The following F8 variants were observed in gnomAD, a reference collection of about 807,000 sequenced individuals.
F8 encodes antihemophilic factor.
F8 carries 12 observed loss-of-function variants against 140.6 expected under a neutral mutation model. That is an observed-to-expected ratio of 0.09 (90% CI 0.05 to 0.14). F8 has a LOEUF of 0.14. Among genes scored for constraint, F8 ranks in the 10% least tolerant of loss-of-function variants. F8 has a pLI of 1.00. For synonymous variants in F8, 585 were observed against 614.6 expected (o/e 0.95, Z 0.71); for missense variants, 1,354 against 1,720.7 (o/e 0.79, Z 3.77).
chrX:154,943,421 G>C (rs1442780315), intron 13 of F8, among the ~76,000 whole-genome samples: 1 of 111,612 alleles, frequency 9.0e-6, no homozygotes, highest in Non-Finnish European at 1.9e-5. Context: ...ATTCACAATT[G>C]CTTCAAAGAG....
intron 1 of F8, among the ~76,000 whole-genome samples, chrX:155,012,816 C>A (rs1557286682): frequency 9.1e-6 from 1 of 110,324 alleles, no homozygotes; most frequent in African/African-American, 3.3e-5. Context: ...CAAACTCTTT[C>A]ATTAAATAGA....
At chrX:155,010,293 T>C (rs981086439) in intron 1 of F8, among the ~76,000 whole-genome samples, 1 of 112,249 alleles carries the variant, frequency 8.9e-6, no homozygotes, top group Non-Finnish European at 1.9e-5. Flanking sequence ...CCAAATATAT[T>C]TGGCAACCAT....
intron 12 of F8, among the ~76,000 whole-genome samples, chrX:154,951,804 CAG>C (rs2073339149): frequency 9.0e-6 from 1 of 111,185 alleles, no homozygotes; most frequent in African/African-American, 3.3e-5. Flanking sequence ...TGTGCTTTCT[CAG>C]ACTCTTTTTC....
intron 11 of F8, 64 bp downstream of exon 11, chrX:154,956,893 C>G: frequency 1.1e-6 from 1 of 917,350 alleles, no homozygotes; most frequent in South Asian, 2.0e-5. Flanking sequence ...ATTATATTTT[C>G]TTCAGGTTAT....
At position 154,928,689 on chromosome X, in the gene F8, C is replaced by T. The variant is rs2073173294; in HGVS notation, c.5101G>A (p.Glu1701Lys). The change falls in exon 14 of 26, where the codon GAG (glutamate) becomes AAG (lysine). Residue 1701 changes from glutamate to lysine, a missense_variant. Glu to Lys is a moderately conservative substitution (Grantham distance 56). This residue lies in a region of F8 where 658 missense variants were observed against 666.5 expected (regional missense o/e 0.99). Transcript: ENST00000360256. Reference sequence around the variant, plus strand: ...CTGCGGGGGCTCTGATTTTCATCCTCATCATAAATGTCAAAATCTTCCTTC... The same window carrying T: ...CTGCGGGGGCTCTGATTTTCATCCTTATCATAAATGTCAAAATCTTCCTTC... Reference protein sequence around the residue: ...MKKEDFDIYDEDENQSPRSFQ... With the variant: ...MKKEDFDIYDKDENQSPRSFQ... 6 of 1,209,479 alleles carry T rather than the reference C, an allele frequency of 5.0e-6. No individual in the cohort carries two copies. Among genetic ancestry groups the T allele is most frequent in the Non-Finnish European group, 5.6e-6 (5 of 894,502 alleles).
chrX:154,862,810 A>G (rs1276401463), intron 23 of F8, among the ~76,000 whole-genome samples: 1 of 112,034 alleles, frequency 8.9e-6, no homozygotes, highest in African/African-American at 3.3e-5. Flanking sequence ...GGTTGACTCC[A>G]TGCCTTTGCT....
chrX:154,929,682 T>A lies in F8; in HGVS notation c.4108A>T (p.Thr1370Ser), dbSNP rs2073181510. The A allele has an allele frequency of 8.3e-7, 1 of 1,207,004 alleles. No individual in the cohort carries two copies. The highest frequency in any genetic ancestry group is 2.2e-5 in the Admixed American group (1 of 45,430). Residue 1370 changes from threonine to serine, a missense_variant, in exon 14 of 26, where the codon ACC (threonine) becomes TCC (serine). Physicochemically the swap from Thr to Ser is moderately conservative, Grantham distance 58. Transcript: ENST00000360256. ...SKNMKHLTPSTLTQIDYNEKE... is the reference protein window; with the variant it reads ...SKNMKHLTPSSLTQIDYNEKE... ...TCATTGTAGTCTATCTGTGTGAGGG[T>A]GCTCGGGGTCAAATGTTTCATGTTT...
chrX:154,991,800 C>T (rs904689506), intron 4 of F8, among the ~76,000 whole-genome samples: 4 of 111,545 alleles, frequency 3.6e-5, no homozygotes, highest in African/African-American at 6.5e-5. Context: ...CTCCACTCCC[C>T]GCTCCCATCC....
intron 1 of F8, among the ~76,000 whole-genome samples, chrX:155,008,572 G>A (rs932251838): frequency 8.9e-6 from 1 of 111,736 alleles, no homozygotes; most frequent in Non-Finnish European, 1.9e-5. Flanking sequence ...GGTGAGGGGC[G>A]CCCGGATGGC....
chrX:154,994,054 A>G (rs2073603570), intron 3 of F8, among the ~76,000 whole-genome samples: 3 of 112,457 alleles, frequency 2.7e-5, no homozygotes, highest in Non-Finnish European at 3.8e-5. Context: ...AAAAAAGTAA[A>G]CAAGCTTCCT....
At chrX:154,948,767 G>C (rs2073321048) in intron 12 of F8, among the ~76,000 whole-genome samples, 1 of 112,060 alleles carries the variant, frequency 8.9e-6, no homozygotes, top group Admixed American at 9.5e-5. Context: ...ACTAGGTACT[G>C]TGTAAGATGG....
At chrX:154,893,612 G>C (rs2072961165) in intron 22 of F8, among the ~76,000 whole-genome samples, 1 of 110,721 alleles carries the variant, frequency 9.0e-6, no homozygotes, top group Non-Finnish European at 1.9e-5. Context: ...TTTTTATCTT[G>C]CCCAAATTCC....
intron 1 of F8, among the ~76,000 whole-genome samples, chrX:155,001,375 C>T (rs1397154868): frequency 2.3e-4 from 21 of 90,313 alleles, no homozygotes; most frequent in Admixed American, 2.3e-3. Flanking sequence ...AGTGCAGTGG[C>T]GAGATCCACC....
chrX:154,983,369 T>C (rs1425715174), intron 6 of F8, among the ~76,000 whole-genome samples: 1 of 111,774 alleles, frequency 8.9e-6, no homozygotes, highest in Non-Finnish European at 1.9e-5. Flanking sequence ...TTCATTTGCA[T>C]CAACATAGGT....
intron 22 of F8, among the ~76,000 whole-genome samples, chrX:154,891,310 T>C (rs1444982398): frequency 2.6e-5 from 3 of 113,279 alleles, no homozygotes; most frequent in Non-Finnish European, 5.6e-5. Context: ...AATGTGACCA[T>C]GTCAAAGATG....
chrX:154,983,352 G>A (rs1557283911), intron 6 of F8, among the ~76,000 whole-genome samples: 1 of 111,613 alleles, frequency 9.0e-6, no homozygotes, highest in African/African-American at 3.3e-5. Flanking sequence ...CCATAAAAAA[G>A]AATATTTTCA....
chrX:154,940,040 G>T (rs2073250085), intron 13 of F8, among the ~76,000 whole-genome samples: 1 of 110,948 alleles, frequency 9.0e-6, no homozygotes. Context: ...AAGACCAAAG[G>T]TAGATAAAAC....
In F8 at chrX:155,004,173, A is replaced by G. The variant is rs782067459; in HGVS notation, c.144-4573T>C. ...AACCATGCAAACAAGAAGAGAGTGC[A>G]CTGACATATTTAAAGTGTTGAGAGA... is the stretch of plus-strand genomic sequence containing the variant. On this transcript the variant is annotated intron_variant, in intron 1 of 25. Transcript: ENST00000360256. Among the ~76,000 whole-genome samples the G allele has an allele frequency of 6.3e-5, 7 of 111,166 alleles. No individual in the cohort carries two copies. In the South Asian group the frequency reaches 2.6e-3, roughly 42 times the overall value.
At chrX:154,961,361 C>T (rs1221931048) in intron 9 of F8, among the ~76,000 whole-genome samples, 193 bp from the exon 10 acceptor site, 1 of 111,230 alleles carries the variant, frequency 9.0e-6, no homozygotes, top group African/African-American at 3.3e-5. Flanking sequence ...GTTCCAGGAC[C>T]CCTGCAGATA....
Sources: allele counts gnomAD v4.1 joint callset (sites outside exome capture counted in the v4.1 genomes callset), GRCh38; gene constraint gnomAD v4.1.1; regional missense constraint gnomAD v4.1.1; transcripts MANE v1.5; gene names NCBI Gene and HGNC (gene_info 2026-07-23, HGNC 2026-07-21).